Variants in PPP1R14C observed in about 807,000 individuals in gnomAD.
PPP1R14C encodes the protein protein phosphatase 1 regulatory subunit 14C.
A neutral mutation model predicts 20.4 loss-of-function variants in PPP1R14C; 16 were observed. That is an observed-to-expected ratio of 0.78 (90% CI 0.53 to 1.19). The LOEUF (loss-of-function observed/expected upper bound fraction) is 1.19, where lower values mean the gene tolerates loss of function less well. Among genes scored for constraint, PPP1R14C ranks in the 50% most tolerant of loss-of-function variants. The pLI is 0.00. For missense variants in PPP1R14C, 211 were observed against 220.1 expected, an observed-to-expected ratio of 0.96 and a Z score of 0.26; for synonymous variants, 91 against 91.0, an observed-to-expected ratio of 1.00 and a Z score of 0.00.
chr6:150,211,896 G>A (rs1169938241), intron 1 of PPP1R14C, among the ~76,000 whole-genome samples: 2 of 152,192 alleles, frequency 1.3e-5, no homozygotes, highest in South Asian at 2.1e-4. Flanking sequence ...GGTAAAAAGC[G>A]CAGATGCCTA....
At chr6:150,233,363 T>C (rs1029503513) in intron 3 of PPP1R14C, among the ~76,000 whole-genome samples, 2 of 152,306 alleles carry the variant, frequency 1.3e-5, no homozygotes, top group East Asian at 1.9e-4. Context: ...AATTTGACCA[T>C]AGGCTAATTG....
At chr6:150,169,133 T>G (rs1237419947) in intron 1 of PPP1R14C, among the ~76,000 whole-genome samples, 1 of 152,210 alleles carries the variant, frequency 6.6e-6, no homozygotes, top group Non-Finnish European at 1.5e-5. Flanking sequence ...CATCGTGGCC[T>G]CCCAAAGTGC....
chr6:150,184,564 A>G (rs939991113), intron 1 of PPP1R14C, among the ~76,000 whole-genome samples: 10 of 149,518 alleles, frequency 6.7e-5, no homozygotes, highest in Non-Finnish European at 1.3e-4. Context: ...CTTCATGGCC[A>G]CATGTTGTGT....
chr6:150,219,921 T>C (rs556254246), intron 3 of PPP1R14C, among the ~76,000 whole-genome samples: 21 of 152,104 alleles, frequency 1.4e-4, no homozygotes, highest in Non-Finnish European at 2.6e-4. Flanking sequence ...AGTGGCGCCA[T>C]GTAGGCTCGC....
chr6:150,177,682 A>G (rs1002718373), intron 1 of PPP1R14C, among the ~76,000 whole-genome samples: 2 of 152,050 alleles, frequency 1.3e-5, no homozygotes, highest in Non-Finnish European at 2.9e-5. Context: ...GTTGTCCCCA[A>G]AGTCCCACAG....
chr6:150,247,676 G>GT lies in PPP1R14C; in HGVS notation c.424-1063dup, dbSNP rs545736179. Among the ~76,000 whole-genome samples, 27 of 152,218 alleles carry GT rather than the reference G, an allele frequency of 1.8e-4. No homozygotes were observed. The East Asian group carries it at 1.9e-3, about 11-fold the overall frequency. On this transcript the variant is annotated intron_variant, in intron 3 of 3. Transcript: ENST00000361131. ...TAAAGTGTGTTTTTGTTTTGGTGTG[G>GT]TTTTTTTATCTATAGTTTGCTGTCA...
chr6:150,163,323 G>C (rs1168676963), intron 1 of PPP1R14C, among the ~76,000 whole-genome samples: 1 of 152,158 alleles, frequency 6.6e-6, no homozygotes, highest in Non-Finnish European at 1.5e-5. Flanking sequence ...CCTGGGAGGC[G>C]GAGATTGCAG....
rs567247305 is a variant in PPP1R14C at position 150,143,966 on chromosome 6, G to T, written c.306+468G>T. ...AGCAGGGAAGGAAGGAAGCTGCCTC[G>T]TGGAAAGGAGAGGTTCTGGGGATCT... On this transcript the variant is annotated intron_variant, in intron 1 of 3. Transcript: ENST00000361131. This position sits in a 1 kb window ranked among gnomAD's most constrained non-coding sequence, Gnocchi z 5.6. Among the ~76,000 whole-genome samples the T allele has an allele frequency of 2.0e-5, 3 of 152,202 alleles. No individual in the cohort carries two copies. In the South Asian group the frequency reaches 6.2e-4, roughly 31 times the overall value.
Position 150,143,418 on chromosome 6 carries a change from T to A in PPP1R14C, c.226T>A (p.Tyr76Asn). Residue 76 changes from tyrosine (Y) to asparagine (N), a missense_variant, in exon 1 of 4, where the codon TAC becomes AAC. Tyr to Asn is a moderately radical substitution (Grantham distance 143, BLOSUM62 -2). Coordinates refer to ENST00000361131, the MANE Select transcript of PPP1R14C (RefSeq NM_030949.3). This position sits in a 1 kb window ranked among gnomAD's most constrained non-coding sequence, Gnocchi z 5.6. Reference sequence around the variant, plus strand: ...CCAGCAGGGAAAAGTGACAGTGAAATACGATCGTAAGGAGCTTCGGAAGCG... The same window carrying A: ...CCAGCAGGGAAAAGTGACAGTGAAAAACGATCGTAAGGAGCTTCGGAAGCG... Reference protein sequence around the residue: ...RHQQGKVTVKYDRKELRKRLV... With the variant: ...RHQQGKVTVKNDRKELRKRLV... 1 of 1,611,774 alleles carries A rather than the reference T, an allele frequency of 6.2e-7. No individual in the cohort carries two copies. The highest frequency in any genetic ancestry group is 8.5e-7 in the Non-Finnish European group (1 of 1,179,110).
At position 150,248,794 on chromosome 6, in the gene PPP1R14C, A is replaced by T. The variant is rs1312405255; in HGVS notation, c.472A>T (p.Ser158Cys). 2.5e-6 allele frequency: 4 copies of T among 1,612,896 alleles called. No homozygotes were observed. The Admixed American group carries it at 5.0e-5, about 20-fold the overall frequency. ...TCGGATAAGAGGCATGAGGAAACTG[A>T]GCCCTCCGCAGAAGAAGAGTGTATG... ...LSRIRGMRKL[S>C]PPQKKSV The change falls in exon 4 of 4, where the codon AGC becomes TGC. Residue 158 changes from serine to cysteine, a missense_variant. Ser to Cys is a moderately radical substitution (Grantham distance 112). Transcript: ENST00000361131.
intron 1 of PPP1R14C, among the ~76,000 whole-genome samples, chr6:150,207,689 C>T (rs1276836950): frequency 6.6e-5 from 10 of 152,208 alleles, no homozygotes; most frequent in Non-Finnish European, 1.5e-4. Flanking sequence ...TTTTTCTCTA[C>T]TCTTGATAGA....
chr6:150,167,971 TCTCCTTCTCTCCTCCCCTCTTCCTCTC>T, intron 1 of PPP1R14C, among the ~76,000 whole-genome samples: 1 of 136,102 alleles, frequency 7.3e-6, no homozygotes, highest in African/African-American at 2.7e-5. Context: ...CCCCTCTTTC[TCTCCTTCTCTCCTCCCCTCTTCCTCTC>T]CCCCTTGCTT....
At chr6:150,181,847 C>T (rs188478219) in intron 1 of PPP1R14C, among the ~76,000 whole-genome samples, 4 of 152,298 alleles carry the variant, frequency 2.6e-5, no homozygotes, top group Non-Finnish European at 5.9e-5. Context: ...TGATCTACGA[C>T]AGGTTTTCTT....
intron 1 of PPP1R14C, among the ~76,000 whole-genome samples, chr6:150,169,030 C>T (rs1317662239): frequency 6.6e-6 from 1 of 152,176 alleles, no homozygotes; most frequent in African/African-American, 2.4e-5. Context: ...GCACGCGCCA[C>T]CACACCCAGC....
intron 1 of PPP1R14C, among the ~76,000 whole-genome samples, chr6:150,208,858 G>A (rs1394724662): frequency 6.6e-6 from 1 of 152,164 alleles, no homozygotes; most frequent in African/African-American, 2.4e-5. Context: ...CGGCTGTCCA[G>A]ACTATTCTTA....
intron 1 of PPP1R14C, among the ~76,000 whole-genome samples, chr6:150,155,979 C>A (rs990388479): frequency 1.5e-5 from 2 of 133,308 alleles, no homozygotes; most frequent in African/African-American, 2.8e-5. Flanking sequence ...GAGCCAAGAT[C>A]GCACCATTGC....
At chr6:150,156,065 A>C (rs1200761346) in intron 1 of PPP1R14C, among the ~76,000 whole-genome samples, 2 of 151,198 alleles carry the variant, frequency 1.3e-5, no homozygotes, top group Admixed American at 1.3e-4. Flanking sequence ...AAGAAAGAAA[A>C]AGAAAAATTC....
intron 1 of PPP1R14C, among the ~76,000 whole-genome samples, chr6:150,157,429 T>TG (rs1281665055): frequency 6.6e-6 from 1 of 151,260 alleles, no homozygotes; most frequent in Non-Finnish European, 1.5e-5. Flanking sequence ...GTTTGTCTCA[T>TG]TATCTCATTT....
intron 1 of PPP1R14C, among the ~76,000 whole-genome samples, chr6:150,149,442 A>G (rs1334047696): frequency 7.8e-6 from 1 of 128,636 alleles, no homozygotes; most frequent in Non-Finnish European, 1.6e-5. Context: ...CCTCCCACCT[A>G]ATTTTTTTTT....
Sources: gnomAD v4.1 joint callset for allele counts (sites outside exome capture counted in the v4.1 genomes callset) on GRCh38, gnomAD v4.1.1 for gene constraint, Gnocchi (gnomAD v3.1) non-coding constraint, MANE v1.5 for transcripts, NCBI Gene and HGNC (gene_info 2026-07-23, HGNC 2026-07-21) for gene names.